Variants in PITPNA observed in about 807,000 individuals in gnomAD.
PITPNA encodes phosphatidylinositol transfer protein alpha.
A neutral mutation model predicts 50.3 loss-of-function variants in PITPNA; 13 were observed. The observed-to-expected ratio is 0.26, with a 90% CI of 0.17 to 0.41. PITPNA has a LOEUF of 0.41. Ranked by LOEUF, PITPNA falls within the 10% of genes least tolerant of loss-of-function variation. The pLI, the probability that PITPNA is intolerant of heterozygous loss-of-function variation, is 1.00. For synonymous variants in PITPNA, 120 were observed against 119.6 expected (o/e 1.00, Z -0.02); for missense variants, 207 against 333.4 (o/e 0.62, Z 2.95).
At chr17:1,521,917 G>A (rs1305156133) in intron 10 of PITPNA, among the ~76,000 whole-genome samples, 1 of 149,042 alleles carries the variant, frequency 6.7e-6, no homozygotes, top group African/African-American at 2.5e-5. Context: ...GTGTGGGGGG[G>A]TCTTCCTATG....
chr17:1,539,001 A>G (rs1363982587), intron 6 of PITPNA, 49 bp from the exon 7 acceptor site: 4 of 1,300,120 alleles, frequency 3.1e-6, no homozygotes, highest in Non-Finnish European at 4.5e-6. Context: ...CAGTTATAAA[A>G]TATCCTTTAG....
chr17:1,548,644 C>T (rs2151011452), intron 3 of PITPNA, among the ~76,000 whole-genome samples: 1 of 152,256 alleles, frequency 6.6e-6, no homozygotes, highest in East Asian at 1.9e-4. Flanking sequence ...TGCTGTGGCT[C>T]ATCACCCCTT....
intron 10 of PITPNA, among the ~76,000 whole-genome samples, chr17:1,522,109 GGCC>G (rs1325220064): frequency 6.8e-6 from 1 of 147,630 alleles, no homozygotes; most frequent in Non-Finnish European, 1.5e-5. Context: ...CTGCCGCCCA[GGCC>G]GGACTGCGGA....
intron 7 of PITPNA, among the ~76,000 whole-genome samples, chr17:1,537,047 C>A (rs1244208155): frequency 6.6e-6 from 1 of 151,678 alleles, no homozygotes; most frequent in African/African-American, 2.4e-5. Context: ...TATAGGCATG[C>A]GCCACCACGC....
Position 1,527,563 on chromosome 17 carries a change from C to T in PITPNA, c.769-5918G>A, listed in dbSNP as rs529830741. 2.6e-5 allele frequency among the ~76,000 whole-genome samples: 4 copies of T among 152,182 alleles called. No homozygotes were observed. In the South Asian group the frequency reaches 8.3e-4, roughly 32 times the overall value. ...AGCCCTGGTTTGTTTTTGTTTTTAA[C>T]AGTGGTTTCCTTTAGGGAATGAGGC... On this transcript the variant is annotated intron_variant, in intron 10 of 11. Transcript: ENST00000313486.
intron 2 of PITPNA, among the ~76,000 whole-genome samples, chr17:1,554,353 C>A (rs1393534597): frequency 6.7e-6 from 1 of 150,242 alleles, no homozygotes; most frequent in Non-Finnish European, 1.5e-5. Flanking sequence ...ATGCCCAACT[C>A]CTGGCACCCC....
chr17:1,531,695 G>A (rs1356236253), intron 10 of PITPNA, among the ~76,000 whole-genome samples: 1 of 151,798 alleles, frequency 6.6e-6, no homozygotes, highest in Non-Finnish European at 1.5e-5. Context: ...AAGAGCATCA[G>A]CATAGATTAT....
In PITPNA at chr17:1,558,537, C is replaced by A; in HGVS notation, c.43G>T (p.Val15Leu). The change falls in exon 2 of 12, where the codon GTA becomes TTA. Residue 15 changes from valine (V) to leucine (L), a missense_variant. By Grantham distance (32) the Val-to-Leu change is conservative. Coordinates refer to ENST00000313486, the MANE Select transcript of PITPNA (RefSeq NM_006224.4). ...KEYRVILPVS[V>L]DEYQVGQLYS... Reference sequence around the variant, plus strand: ...AAAGTAAAAGGACTTACCTCATCTACAGACACAGGCAGGATTACTCGACTA... The same window carrying A: ...AAAGTAAAAGGACTTACCTCATCTAAAGACACAGGCAGGATTACTCGACTA... 6.2e-7 allele frequency: 1 copy of A among 1,603,894 alleles called. No individual in the cohort carries two copies. The highest frequency in any genetic ancestry group is 1.1e-5 in the South Asian group (1 of 90,276).
At chr17:1,520,573 G>A (rs1487222936) in intron 11 of PITPNA, 35 bp from the exon 12 acceptor site, 3 of 152,600 alleles carry the variant, frequency 2.0e-5, no homozygotes, top group Non-Finnish European at 4.4e-5. Context: ...GGAAGCAAGA[G>A]GAGAAAACAG....
At chr17:1,550,147 G>GT (rs1200082918) in intron 3 of PITPNA, among the ~76,000 whole-genome samples, 1 of 152,202 alleles carries the variant, frequency 6.6e-6, no homozygotes, top group Non-Finnish European at 1.5e-5. Context: ...ATTCAGGCGA[G>GT]TATTTCTAGG....
chr17:1,555,584 G>A lies in PITPNA; in HGVS notation c.52-2435C>T, dbSNP rs553112431. 4.1e-4 allele frequency among the ~76,000 whole-genome samples: 63 copies of A among 152,278 alleles called. No homozygotes were observed. The South Asian group carries it at 0.013, about 31-fold the overall frequency. ...TCTTGAGATCTGTTCACCTATCCCA[G>A]AGAACTAAGACATTCAACTAAGAAA... is the stretch of plus-strand genomic sequence containing the variant. On this transcript the variant is annotated intron_variant, in intron 2 of 11. Coordinates refer to ENST00000313486, the MANE Select transcript of PITPNA (RefSeq NM_006224.4).
intron 10 of PITPNA, among the ~76,000 whole-genome samples, chr17:1,528,738 T>G (rs1170048693): frequency 7.2e-6 from 1 of 139,686 alleles, no homozygotes; most frequent in Non-Finnish European, 1.6e-5. Context: ...CTGTCTCTCT[T>G]AAAAAAAAAA....
intron 2 of PITPNA, among the ~76,000 whole-genome samples, chr17:1,555,760 G>A (rs1370088285): frequency 6.6e-6 from 1 of 152,178 alleles, no homozygotes. Context: ...CTGGTGCCGT[G>A]AATCTCTGGA....
At chr17:1,526,411 T>C (rs947391309) in intron 10 of PITPNA, among the ~76,000 whole-genome samples, 3 of 152,220 alleles carry the variant, frequency 2.0e-5, no homozygotes. Context: ...AAAGGAATAG[T>C]CTCTGGGCAA....
intron 9 of PITPNA, 55 bp downstream of exon 9, chr17:1,535,126 AC>A (rs1383926051): frequency 5.3e-6 from 5 of 939,926 alleles, no homozygotes; most frequent in East Asian, 3.0e-5. Context: ...GTTCTCCACC[AC>A]CCCCCCACAA....
chr17:1,545,120 T>C lies in PITPNA; in HGVS notation c.290-2093A>G, dbSNP rs201741682. On this transcript the variant is annotated intron_variant, in intron 4 of 11. Coordinates refer to ENST00000313486, the MANE Select transcript of PITPNA (RefSeq NM_006224.4). Reference sequence around the variant, plus strand: ...CTTTCTTTTCCTTTTCCCACTTTCATTCATTCACAGACCAACTCCTATCTT... The same window carrying C: ...CTTTCTTTTCCTTTTCCCACTTTCACTCATTCACAGACCAACTCCTATCTT... Among the ~76,000 whole-genome samples, 36 of 151,272 alleles carry C rather than the reference T, an allele frequency of 2.4e-4. No homozygotes were observed. In the East Asian group the frequency reaches 6.7e-3, roughly 28 times the overall value.
chr17:1,524,248 G>A (rs1270784082), intron 10 of PITPNA, among the ~76,000 whole-genome samples: 29 of 148,298 alleles, frequency 2.0e-4, no homozygotes, highest in Non-Finnish European at 3.0e-4. Flanking sequence ...GTTTCACCAT[G>A]TTAGCCAGGA....
Position 1,520,497 on chromosome 17 carries a change from G to T in PITPNA, c.*64C>A, listed in dbSNP as rs1347708834. Reference sequence around the variant, plus strand: ...CGAAAATGGCCTGTCACTTGGGAGGGTGGAGCTGCTGGGTCTTCCTGTTGA... The same window carrying T: ...CGAAAATGGCCTGTCACTTGGGAGGTTGGAGCTGCTGGGTCTTCCTGTTGA... On this transcript the variant is annotated 3_prime_UTR_variant, in exon 12 of 12. Coordinates refer to ENST00000313486, the MANE Select transcript of PITPNA (RefSeq NM_006224.4). 1 of 152,734 alleles carries T rather than the reference G, an allele frequency of 6.5e-6. No individual in the cohort carries two copies. Among genetic ancestry groups the T allele is most frequent in the Non-Finnish European group, 1.5e-5 (1 of 68,088 alleles). The allele number at this position is 152,734 out of a possible 1,614,324, so 9.5% of individuals were successfully genotyped here.
chr17:1,522,900 T>C (rs2075523665), intron 10 of PITPNA, among the ~76,000 whole-genome samples: 1 of 152,164 alleles, frequency 6.6e-6, no homozygotes, highest in East Asian at 1.9e-4. Flanking sequence ...AGGTTTGAGA[T>C]GAAACCTGAG....
Sources: gnomAD v4.1 joint callset for allele counts (sites outside exome capture counted in the v4.1 genomes callset) on GRCh38, gnomAD v4.1.1 for gene constraint, MANE v1.5 for transcripts, NCBI Gene and HGNC (gene_info 2026-07-23, HGNC 2026-07-21) for gene names.